The following WDR35 variants were observed in gnomAD, a reference collection of about 807,000 sequenced individuals.
WDR35 encodes WD repeat domain 35.
WDR35 carries 118 observed loss-of-function variants against 158.3 expected under a neutral mutation model. The ratio of observed to expected loss-of-function variants is 0.75; its 90% CI spans 0.64 to 0.87. The LOEUF (loss-of-function observed/expected upper bound fraction) is 0.87. Ranked by LOEUF, WDR35 falls within the 40% of genes least tolerant of loss-of-function variation. WDR35 has a pLI of 0.00. For synonymous variants in WDR35, 448 were observed against 476.1 expected, an observed-to-expected ratio of 0.94 and a Z score of 0.77; for missense variants, 1,263 against 1,405.8, an observed-to-expected ratio of 0.90 and a Z score of 1.62.
intron 2 of WDR35, among the ~76,000 whole-genome samples, chr2:19,988,588 A>C (rs200546521): frequency 6.6e-6 from 1 of 152,224 alleles, no homozygotes; most frequent in East Asian, 1.9e-4. Context: ...AGTCTTGTGG[A>C]AGAGCTGAGA....
chr2:19,960,733 TGAAA>T, intron 10 of WDR35, 119 bp from the exon 11 acceptor site: 1 of 770,298 alleles, frequency 1.3e-6, no homozygotes, highest in Non-Finnish European at 2.1e-6. Flanking sequence ...AAATAACTGA[TGAAA>T]CTGTTACGTG....
intron 25 of WDR35, among the ~76,000 whole-genome samples, chr2:19,928,876 G>C (rs1455268397): frequency 6.6e-6 from 1 of 151,442 alleles, no homozygotes; most frequent in Non-Finnish European, 1.5e-5. Context: ...GTGCGATCTC[G>C]GCTCACTGCA....
In WDR35 at chr2:19,975,602, C is replaced by T. The variant is rs150578416; in HGVS notation, c.498G>A (p.Ala166=). 25 of 1,613,892 alleles carry T rather than the reference C, an allele frequency of 1.5e-5. No homozygotes were observed. The highest frequency in any genetic ancestry group is 6.6e-5 in the South Asian group (6 of 91,084). ...TTCCAAAAAGTAAGACTTTACTGTC[C>T]GCAGACCATGTTACATGGGATAGCT... The part of the protein sequence containing the change: ...GIQLSHVTWS[A]DSKVLLFGMA... The change falls in exon 6 of 27, where the codon GCG becomes GCA. Residue 166 remains alanine, a synonymous_variant. Coordinates refer to ENST00000281405, the MANE Select transcript of WDR35 (RefSeq NM_020779.4).
chr2:19,944,470 G>A (rs570838585), intron 16 of WDR35, among the ~76,000 whole-genome samples: 42 of 152,190 alleles, frequency 2.8e-4, no homozygotes, highest in African/African-American at 9.6e-4. Context: ...TTTAGTATGA[G>A]CAGGGCTAAG....
rs1421819553 is a variant in WDR35, at chr2:19,951,433, A to G, written c.1452T>C (p.Asp484=). 2 of 1,611,322 alleles carry G rather than the reference A, an allele frequency of 1.2e-6. No homozygotes were observed. Among genetic ancestry groups the G allele is most frequent in the Non-Finnish European group, 1.7e-6 (2 of 1,178,520 alleles). The change falls in exon 13 of 27, where the codon GAT becomes GAC. Residue 484 remains aspartate, a synonymous_variant. Transcript: ENST00000281405. Reference sequence around the variant, plus strand: ...CACCTACTTGAATGGTTTTACTATAATCAAGCACACCATCCATTGATCCAG... The same window carrying G: ...CACCTACTTGAATGGTTTTACTATAGTCAAGCACACCATCCATTGATCCAG... ...TPSGSMDGVL[D]YSKTIQGTRD...
intron 14 of WDR35, among the ~76,000 whole-genome samples, chr2:19,946,886 T>G (rs1304061788): frequency 6.6e-6 from 1 of 152,178 alleles, no homozygotes; most frequent in Non-Finnish European, 1.5e-5. Context: ...ATTTGTTATC[T>G]AGGTTAATAT....
intron 13 of WDR35, among the ~76,000 whole-genome samples, chr2:19,950,459 G>A (rs1386459104): frequency 6.6e-6 from 1 of 152,088 alleles, no homozygotes; most frequent in Non-Finnish European, 1.5e-5. Flanking sequence ...GAAGAGAGAA[G>A]GTAGTAGCTG....
intron 2 of WDR35, among the ~76,000 whole-genome samples, chr2:19,983,978 A>G (rs1309038950): frequency 6.8e-6 from 1 of 148,090 alleles, no homozygotes; most frequent in Non-Finnish European, 1.5e-5. Context: ...CTTAACTTCT[A>G]GCACTGAAAA....
At chr2:19,938,466 A>C in intron 17 of WDR35, 65 bp from the exon 18 acceptor site, 4 of 1,569,382 alleles carry the variant, frequency 2.5e-6, no homozygotes, top group Non-Finnish European at 2.6e-6. Flanking sequence ...TTTCTTTTTT[A>C]TATTAAAAAC....
rs1453021602 is a variant in WDR35 at position 19,972,272 on chromosome 2, C to A, written c.882+1291G>T. 2.0e-5 allele frequency among the ~76,000 whole-genome samples: 3 copies of A among 152,302 alleles called. No individual in the cohort carries two copies. The East Asian group carries it at 5.8e-4, about 29-fold the overall frequency. ...ATACTGACTACTATGACCTGAGGAACTATGCTAGATACTTTTAGTTACAGC... is the reference window on the plus strand; with the variant it reads ...ATACTGACTACTATGACCTGAGGAAATATGCTAGATACTTTTAGTTACAGC... On this transcript the variant is annotated intron_variant, in intron 8 of 26. Coordinates refer to ENST00000281405, the MANE Select transcript of WDR35 (RefSeq NM_020779.4).
intron 10 of WDR35, 148 bp from the exon 11 acceptor site, chr2:19,960,762 C>A (rs1671623850): frequency 7.9e-6 from 5 of 636,686 alleles, no homozygotes; most frequent in Admixed American, 5.8e-5. Flanking sequence ...AAATAGCAGA[C>A]AAAAAGAAAG....
At chr2:19,957,972 A>G (rs899611040) in intron 11 of WDR35, among the ~76,000 whole-genome samples, 1 of 152,260 alleles carries the variant, frequency 6.6e-6, no homozygotes, top group Non-Finnish European at 1.5e-5. Flanking sequence ...CTTGGAATTC[A>G]CATATAAATA....
chr2:19,972,342 T>A (rs1405848747), intron 8 of WDR35, among the ~76,000 whole-genome samples: 3 of 152,240 alleles, frequency 2.0e-5, no homozygotes, highest in Non-Finnish European at 4.4e-5. Context: ...ACTTAACACA[T>A]TGTTTTGCAA....
chr2:19,955,766 C>T (rs981597817), intron 11 of WDR35, among the ~76,000 whole-genome samples: 3 of 152,134 alleles, frequency 2.0e-5, no homozygotes, highest in African/African-American at 2.4e-5. Context: ...AGACAAAGGA[C>T]ATTTGAGGCA....
intron 10 of WDR35, 77 bp from the exon 11 acceptor site, chr2:19,960,691 G>T (rs1284383125): frequency 7.1e-6 from 8 of 1,121,602 alleles, no homozygotes. Flanking sequence ...TATATATCAT[G>T]CTTATCTCTT....
intron 10 of WDR35, among the ~76,000 whole-genome samples, chr2:19,962,128 G>C (rs989196538): frequency 3.3e-5 from 5 of 152,124 alleles, no homozygotes; most frequent in Non-Finnish European, 5.9e-5. Flanking sequence ...CCTTGATGGA[G>C]CTTATGTTGA....
chr2:19,988,572 T>A (rs1672646317), intron 2 of WDR35, among the ~76,000 whole-genome samples: 1 of 152,232 alleles, frequency 6.6e-6, no homozygotes, highest in Non-Finnish European at 1.5e-5. Context: ...TTGAAAGTCA[T>A]TCAGTAGTCT....
At chr2:19,953,636 G>A (rs531249818) in intron 12 of WDR35, among the ~76,000 whole-genome samples, 198 bp downstream of exon 12, 1 of 152,148 alleles carries the variant, frequency 6.6e-6, no homozygotes, top group African/African-American at 2.4e-5. Context: ...TATCTCTAAG[G>A]ACTTTATTAA....
chr2:19,916,435 G>A (rs1369623329), intron 25 of WDR35, among the ~76,000 whole-genome samples: 1 of 152,206 alleles, frequency 6.6e-6, no homozygotes, highest in Non-Finnish European at 1.5e-5. Context: ...GAGCCAAGGG[G>A]TCTGGCTCAG....
Sources: allele counts gnomAD v4.1 joint callset (sites outside exome capture counted in the v4.1 genomes callset), GRCh38; gene constraint gnomAD v4.1.1; transcripts MANE v1.5; gene names NCBI Gene and HGNC (gene_info 2026-07-23, HGNC 2026-07-21).